The following TRAPPC11 variants were observed in gnomAD, a reference collection of about 807,000 sequenced individuals.
TRAPPC11 encodes the protein trafficking protein particle complex subunit 11.
In TRAPPC11, 104 loss-of-function variants were observed where a neutral mutation model predicts 151.2. That is an observed-to-expected ratio of 0.69 (90% CI 0.59 to 0.81). The LOEUF (loss-of-function observed/expected upper bound fraction) is 0.81. TRAPPC11 is among the 30% of genes least tolerant of loss of function. The pLI, the probability that TRAPPC11 is intolerant of heterozygous loss-of-function variation, is 0.00. For synonymous variants in TRAPPC11, 456 were observed against 472.3 expected (o/e 0.97, Z 0.45); for missense variants, 1,230 against 1,349.6 (o/e 0.91, Z 1.39).
chr4:183,697,549 T>C lies in TRAPPC11; in HGVS notation c.2675T>C (p.Val892Ala), dbSNP rs919720428. ...ACAGTCTTTCCATTTGATGTTGCGG[T>C]TAAATTTGTTTCTACCAAGGTATGT... is the stretch of plus-strand genomic sequence containing the variant. ...IETVFPFDVA[V>A]KFVSTKFEHL... Residue 892 changes from valine to alanine, a missense_variant, in exon 24 of 30, where the codon GTT becomes GCT. Physicochemically the swap from Val to Ala is moderately conservative, Grantham distance 64 (BLOSUM62 0). Coordinates refer to ENST00000334690, the MANE Select transcript of TRAPPC11 (RefSeq NM_021942.6). 3 of 1,603,484 alleles carry C rather than the reference T, an allele frequency of 1.9e-6. No homozygotes were observed. Among genetic ancestry groups the C allele is most frequent in the Non-Finnish European group, 2.5e-6 (3 of 1,177,890 alleles).
Position 183,675,166 on chromosome 4 carries a change from T to G in TRAPPC11, c.663T>G (p.Leu221=). The G allele has an allele frequency of 6.7e-7, 1 of 1,501,578 alleles. No homozygotes were observed. Among genetic ancestry groups the G allele is most frequent in the Non-Finnish European group, 8.9e-7 (1 of 1,121,168 alleles). 93.0% of individuals were successfully genotyped at this position (1,501,578 alleles called of 1,614,324 possible). A position where few individuals can be genotyped will look rare whatever the true frequency, so the allele number is the denominator to read the frequency against. The part of the protein sequence containing the change: ...KEFLNKTTHQ[L]LFVRHQFKIA... ...GTAATTTTTTTGTCTCTTTTTAGCTTTTATTTGTTAGGCATCAGTTCAAAA... is the reference window on the plus strand; with the variant it reads ...GTAATTTTTTTGTCTCTTTTTAGCTGTTATTTGTTAGGCATCAGTTCAAAA... Residue 221 remains leucine (L), a splice_region_variant and synonymous_variant, in exon 7 of 30, where the codon CTT becomes CTG. Coordinates refer to ENST00000334690, the MANE Select transcript of TRAPPC11 (RefSeq NM_021942.6).
At position 183,684,796 on chromosome 4, in the gene TRAPPC11, C is replaced by T. The variant is rs1234694300; in HGVS notation, c.1522C>T (p.Gln508Ter). ...TALKCSYLMA[Q>*]LKDYITYSLE... ...TCTGAAGTGCTCCTACCTCATGGCC[C>T]AATTAAAGGATTACATTACTTACTC... Residue 508 changes from glutamine to a stop codon, truncating the protein, a stop_gained, in exon 15 of 30, where the codon CAA becomes TAA. Transcript: ENST00000334690. LOFTEE classifies it high-confidence loss of function. 8.7e-6 allele frequency: 14 copies of T among 1,613,684 alleles called. No homozygotes were observed. The highest frequency in any genetic ancestry group is 1.2e-5 in the Non-Finnish European group (14 of 1,179,834).
At chr4:183,692,812 C>T (rs757132936) in intron 19 of TRAPPC11, 148 bp from the exon 20 acceptor site, 9 of 627,058 alleles carry the variant, frequency 1.4e-5, no homozygotes, top group Non-Finnish European at 2.1e-5. Flanking sequence ...AGTAAGACCT[C>T]TAATAGCAGG....
In TRAPPC11 at chr4:183,697,884, T is replaced by C. The variant is rs548117538; in HGVS notation, c.2851+49T>C. 9.0e-4 allele frequency: 908 copies of C among 1,005,016 alleles called. 1 individual carries two copies. The highest frequency in any genetic ancestry group is 1.2e-3 in the South Asian group (62 of 53,438). 62.3% of individuals were successfully genotyped at this position (1,005,016 alleles called of 1,614,324 possible). A position where few individuals can be genotyped will look rare whatever the true frequency, so the allele number is the denominator to read the frequency against. On this transcript the variant is annotated intron_variant, in intron 25 of 29. Coordinates refer to ENST00000334690, the MANE Select transcript of TRAPPC11 (RefSeq NM_021942.6). ...AAAGACCAGGAGAATTGTGCGCGCG[T>C]GTGTGTGTGTGTGTATAAGCTGGCA...
intron 18 of TRAPPC11, among the ~76,000 whole-genome samples, chr4:183,690,130 G>A (rs1334795724): frequency 6.6e-6 from 1 of 152,068 alleles, no homozygotes; most frequent in African/African-American, 2.4e-5. Flanking sequence ...TTGAACCTGA[G>A]AGGCGGAGGT....
rs764333355 is a variant in TRAPPC11, at chr4:183,712,610, G to A, written c.3368G>A (p.Arg1123Gln). ...TTTCCCACTTTAAAGCCACAGGGTC[G>A]ACTCATGGATGATACCTCTATTGCT... ...PTSIFVKPQG[R>Q]LMDDTSIAAA The change falls in exon 30 of 30, where the codon CGA becomes CAA. Residue 1123 changes from arginine to glutamine, a missense_variant. Arg to Gln is a conservative substitution (Grantham distance 43). Transcript: ENST00000334690. 8 of 1,613,924 alleles carry A rather than the reference G, an allele frequency of 5.0e-6. No individual in the cohort carries two copies. The highest frequency in any genetic ancestry group is 2.7e-5 in the African/African-American group (2 of 74,890).
intron 7 of TRAPPC11, among the ~76,000 whole-genome samples, chr4:183,677,054 C>G (rs568502612): frequency 6.6e-6 from 1 of 152,086 alleles, no homozygotes; most frequent in Non-Finnish European, 1.5e-5. Flanking sequence ...TGTGAGCCAC[C>G]GTGCCTGGCT....
At position 183,708,400 on chromosome 4, in the gene TRAPPC11, G is replaced by C. The variant is rs765661866; in HGVS notation, c.3190-7G>C. On this transcript the variant is annotated splice_polypyrimidine_tract_variant and splice_region_variant and intron_variant, in intron 28 of 29. Coordinates refer to ENST00000334690, the MANE Select transcript of TRAPPC11 (RefSeq NM_021942.6). ...ATTATCTTTCTCTGTGACTTTTTAT[G>C]ATGCAGATTCGATTACGTATCCTCC... 2.5e-6 allele frequency: 4 copies of C among 1,607,406 alleles called. No individual in the cohort carries two copies. In the African/African-American group the frequency reaches 5.4e-5, roughly 22 times the overall value.
intron 19 of TRAPPC11, 23 bp from the exon 20 acceptor site, chr4:183,692,936 CA>C (rs768130023): frequency 6.3e-7 from 1 of 1,581,842 alleles, no homozygotes; most frequent in African/African-American, 1.4e-5. Flanking sequence ...ATGACATTTC[CA>C]ACATCCTTTT....
Position 183,691,451 on chromosome 4 carries a change from G to C in TRAPPC11, c.2029G>C (p.Asp677His). Residue 677 changes from aspartate to histidine, a missense_variant, in exon 19 of 30, where the codon GAT becomes CAT. By Grantham distance (81) the Asp-to-His change is moderately conservative. Transcript: ENST00000334690. ...ATTTAAGTTTGTTGCAAAAACTGAA[G>C]ATGTGGGAAAGAAAATTGAGGTTAG... ...LLFKFVAKTEDVGKKIEITSV... is the reference protein window; with the variant it reads ...LLFKFVAKTEHVGKKIEITSV... 4 of 1,503,210 alleles carry C rather than the reference G, an allele frequency of 2.7e-6. No individual in the cohort carries two copies. The highest frequency in any genetic ancestry group is 2.7e-6 in the Non-Finnish European group (3 of 1,111,212). 93.1% of individuals were successfully genotyped at this position (1,503,210 alleles called of 1,614,324 possible). A position where few individuals can be genotyped will look rare whatever the true frequency, so the allele number is the denominator to read the frequency against.
Position 183,697,562 on chromosome 4 carries a change from T to C in TRAPPC11, c.2688T>C (p.Ser896=), listed in dbSNP as rs1561056987. Residue 896 remains serine (S), a synonymous_variant, in exon 24 of 30, where the codon TCT becomes TCC. Transcript: ENST00000334690. ...TTGATGTTGCGGTTAAATTTGTTTC[T>C]ACCAAGGTATGTTTCTTTGAGGCAT... ...FPFDVAVKFV[S]TKFEHLERVY... The C allele has an allele frequency of 1.9e-6, 3 of 1,604,140 alleles. No homozygotes were observed. Among genetic ancestry groups the C allele is most frequent in the Non-Finnish European group, 2.5e-6 (3 of 1,177,954 alleles).
intron 14 of TRAPPC11, 121 bp from the exon 15 acceptor site, chr4:183,684,575 C>A: frequency 1.7e-6 from 2 of 1,153,158 alleles, no homozygotes; most frequent in Non-Finnish European, 2.5e-6. Context: ...AATACCTGTT[C>A]AACCATCTCA....
intron 27 of TRAPPC11, among the ~76,000 whole-genome samples, chr4:183,705,551 C>T (rs1200340843): frequency 1.3e-5 from 2 of 152,138 alleles, no homozygotes; most frequent in African/African-American, 2.4e-5. Flanking sequence ...TCTCCCCACC[C>T]ACCATTAACC....
intron 18 of TRAPPC11, among the ~76,000 whole-genome samples, chr4:183,689,647 T>A (rs200913742): frequency 6.1e-5 from 9 of 146,882 alleles, no homozygotes; most frequent in South Asian, 2.1e-4. Flanking sequence ...TTTTTTTTTT[T>A]AAAGAGATAC....
intron 27 of TRAPPC11, chr4:183,706,098 A>C (rs72693620): frequency 0.13 from 19,372 of 149,922 alleles, 1,788 homozygotes; most frequent in African/African-American, 0.23. Context: ...ACACACACAC[A>C]CCCACCAAAC....
intron 18 of TRAPPC11, among the ~76,000 whole-genome samples, chr4:183,688,220 C>T (rs10018951): frequency 0.18 from 26,719 of 151,956 alleles, 2,476 homozygotes; most frequent in African/African-American, 0.21. Context: ...GACTAAATTA[C>T]GTAGTGTAGG....
intron 11 of TRAPPC11, chr4:183,683,703 C>A (rs553953529): frequency 2.3e-6 from 1 of 433,232 alleles, no homozygotes; most frequent in Admixed American, 3.6e-5. Context: ...GCAAGTGTAT[C>A]CTCTATAGAG....
intron 6 of TRAPPC11, 80 bp downstream of exon 6, chr4:183,674,892 T>A: frequency 1.2e-6 from 1 of 840,422 alleles, no homozygotes; most frequent in Admixed American, 2.8e-5. Flanking sequence ...ATGTTCTTAA[T>A]ACTTTAATGT....
In TRAPPC11 at chr4:183,684,763, A is replaced by C. The variant is rs761817349; in HGVS notation, c.1489A>C (p.Thr497Pro). Reference protein sequence around the residue: ...GWWTLLTSVLTTALKCSYLMA... With the variant: ...GWWTLLTSVLPTALKCSYLMA... ...GTGGACTCTGCTCACTTCTGTATTA[A>C]CTACAGCTCTGAAGTGCTCCTACCT... Residue 497 changes from threonine (T) to proline (P), a missense_variant, in exon 15 of 30, where the codon ACT (threonine) becomes CCT (proline). Coordinates refer to ENST00000334690, the MANE Select transcript of TRAPPC11 (RefSeq NM_021942.6). The C allele has an allele frequency of 1.9e-6, 3 of 1,613,878 alleles. No homozygotes were observed. Among genetic ancestry groups the C allele is most frequent in the Non-Finnish European group, 2.5e-6 (3 of 1,179,802 alleles).
Sources: gnomAD v4.1 joint callset for allele counts (sites outside exome capture counted in the v4.1 genomes callset) on GRCh38, gnomAD v4.1.1 for gene constraint, MANE v1.5 for transcripts, NCBI Gene and HGNC (gene_info 2026-07-23, HGNC 2026-07-21) for gene names.